SLC3A1: variants seen among roughly 807,000 people sequenced by gnomAD.
SLC3A1 encodes amino acid transporter heavy chain SLC3A1.
In SLC3A1, 78 loss-of-function variants were observed where a neutral mutation model predicts 60.3. That is an observed-to-expected ratio of 1.29 (90% CI 1.08 to 1.56). The LOEUF is 1.56. Among genes scored for constraint, SLC3A1 ranks in the 40% most tolerant of loss-of-function variants. The pLI is 0.00. For missense variants in SLC3A1, 1,172 were observed against 858.9 expected, an observed-to-expected ratio of 1.36 and a Z score of -4.56; for synonymous variants, 392 against 307.9, an observed-to-expected ratio of 1.27 and a Z score of -2.86.
intron 4 of SLC3A1, among the ~76,000 whole-genome samples, chr2:44,293,731 C>T (rs1671787622): frequency 1.3e-5 from 2 of 152,078 alleles, no homozygotes; most frequent in South Asian, 4.1e-4. Flanking sequence ...GTTGGTAGAC[C>T]TTCCAATTAA....
Position 44,321,390 on chromosome 2 carries a change from A to G in SLC3A1, c.*751A>G. 6.2e-7 allele frequency: 1 copy of G among 1,612,740 alleles called. No homozygotes were observed. The highest frequency in any genetic ancestry group is 8.5e-7 in the Non-Finnish European group (1 of 1,178,868). On this transcript the variant is annotated 3_prime_UTR_variant, in exon 10 of 10. Coordinates refer to ENST00000260649, the MANE Select transcript of SLC3A1 (RefSeq NM_000341.4). ...CAGGTATTTCTTAAGATCCTCGAAA[A>G]CACTGGTGCTGTCAAGTCCAAGTTC...
chr2:44,302,600 C>T (rs1672042100), intron 6 of SLC3A1, among the ~76,000 whole-genome samples: 1 of 152,180 alleles, frequency 6.6e-6, no homozygotes, highest in African/African-American at 2.4e-5. Context: ...TATGCTGCCT[C>T]AAATAGCTAA....
At position 44,304,171 on chromosome 2, in the gene SLC3A1, A is replaced by T. The variant is rs1280053518; in HGVS notation, c.1165A>T (p.Ser389Cys). ...RFMGTEAYAE[S>C]IDRTVMYYGL... ...CATGGGGACTGAAGCCTATGCAGAG[A>T]GTATTGACAGGACCGTGATGTACTA... Residue 389 changes from serine to cysteine, a missense_variant, in exon 7 of 10, where the codon AGT (serine) becomes TGT (cysteine). Ser to Cys is a moderately radical substitution (Grantham distance 112). Coordinates refer to ENST00000260649, the MANE Select transcript of SLC3A1 (RefSeq NM_000341.4). 1 of 1,614,100 alleles carries T rather than the reference A, an allele frequency of 6.2e-7. No individual in the cohort carries two copies. The highest frequency in any genetic ancestry group is 1.1e-5 in the South Asian group (1 of 91,076).
chr2:44,304,042 T>C, intron 6 of SLC3A1, 101 bp from the exon 7 acceptor site: 1 of 890,366 alleles, frequency 1.1e-6, no homozygotes. Context: ...ATAGTGTGCA[T>C]TCAGCCCCTA....
intron 1 of SLC3A1, among the ~76,000 whole-genome samples, chr2:44,279,621 A>C (rs1374497775): frequency 6.6e-6 from 1 of 152,250 alleles, no homozygotes; most frequent in Admixed American, 6.5e-5. Flanking sequence ...TGTAGTAGCC[A>C]CATTAAAAAA....
intron 4 of SLC3A1, among the ~76,000 whole-genome samples, chr2:44,299,031 CT>C (rs3074475): frequency 0.57 from 70,818 of 124,218 alleles, 20,878 homozygotes; most frequent in Non-Finnish European, 0.68. Flanking sequence ...ATGTAGATTC[CT>C]TTTTTTTTTT....
intron 3 of SLC3A1, chr2:44,285,529 T>C (rs1459413539): frequency 2.6e-6 from 1 of 387,536 alleles, no homozygotes; most frequent in Non-Finnish European, 5.2e-6. Context: ...GTACCAACAC[T>C]TGAAGTTGCT....
At chr2:44,286,408 A>G (rs1022489859) in intron 4 of SLC3A1, among the ~76,000 whole-genome samples, 5 of 152,288 alleles carry the variant, frequency 3.3e-5, no homozygotes, top group Middle Eastern at 3.4e-3. Flanking sequence ...TCCTTCCTTC[A>G]TCTAACTCAG....
At chr2:44,315,844 C>G (rs1174280865) in intron 9 of SLC3A1, among the ~76,000 whole-genome samples, 2 of 151,914 alleles carry the variant, frequency 1.3e-5, no homozygotes, top group Non-Finnish European at 2.9e-5. Flanking sequence ...ATTAGTAGAA[C>G]AAAGCCTGAA....
chr2:44,281,552 A>T lies in SLC3A1; in HGVS notation c.765+11A>T. ...CCACCCAACAACTGGGTAAGTATCA[A>T]CCTGTCTGACTTACAAAGGGGTAAA... On this transcript the variant is annotated intron_variant, in intron 3 of 9. Transcript: ENST00000260649. 1 of 1,613,650 alleles carries T rather than the reference A, an allele frequency of 6.2e-7. No homozygotes were observed. The highest frequency in any genetic ancestry group is 8.5e-7 in the Non-Finnish European group (1 of 1,179,562).
intron 3 of SLC3A1, among the ~76,000 whole-genome samples, chr2:44,282,338 T>G (rs1188940536): frequency 2.6e-5 from 4 of 152,078 alleles, no homozygotes; most frequent in Non-Finnish European, 5.9e-5. Flanking sequence ...TCTTGGGAAT[T>G]TTGCTAATTT....
At chr2:44,299,944 C>T (rs372188066) in intron 4 of SLC3A1, 27 bp from the exon 5 acceptor site, 1 of 1,613,060 alleles carries the variant, frequency 6.2e-7, no homozygotes, top group Non-Finnish European at 8.5e-7. Flanking sequence ...GTTAATGTAA[C>T]CAAGCATTTT....
At chr2:44,321,794 A>C (rs1309157884), downstream of SLC3A1, 21 of 1,613,722 alleles carry the variant, frequency 1.3e-5, no homozygotes, top group Non-Finnish European at 1.8e-5. Context: ...CTAGTTCGGG[A>C]ATCTGTCCAC....
chr2:44,281,374 T>G lies in SLC3A1; in HGVS notation c.611-13T>G. The G allele has an allele frequency of 6.2e-7, 1 of 1,605,686 alleles. No homozygotes were observed. Among genetic ancestry groups the G allele is most frequent in the Non-Finnish European group, 8.5e-7 (1 of 1,172,398 alleles). On this transcript the variant is annotated splice_polypyrimidine_tract_variant and intron_variant, in intron 2 of 9. Transcript: ENST00000260649. ...ATCTTTCCCTAGCATTTGAAATGTC[T>G]TTTACTCATTAGGTTTAAAATTAAT...
rs570880671 is a variant in SLC3A1 at position 44,299,837 on chromosome 2, CTG to C, written c.892-131_892-130del. On this transcript the variant is annotated intron_variant, in intron 4 of 9. Coordinates refer to ENST00000260649, the MANE Select transcript of SLC3A1 (RefSeq NM_000341.4). ...GTTATGCTAAATAGATAAAAATAGA[CTG>C]TGAATACTGTGCTTGTTCTGTATGT... The C allele has an allele frequency of 5.2e-4, 482 of 918,598 alleles. 1 individual carries two copies. The highest frequency in any genetic ancestry group is 1.3e-3 in the Middle Eastern group (5 of 3,928). The allele number at this position is 918,598 out of a possible 1,614,324, so 56.9% of individuals were successfully genotyped here.
chr2:44,298,345 C>T (rs78956810), intron 4 of SLC3A1, among the ~76,000 whole-genome samples: 6,049 of 152,152 alleles, frequency 0.04, 160 homozygotes, highest in Middle Eastern at 0.061. Flanking sequence ...ACTTATGCTC[C>T]TCTGGCCACA....
Position 44,320,269 on chromosome 2 carries a change from T to A in SLC3A1, c.1688T>A (p.Leu563Gln). The change falls in exon 10 of 10, where the codon CTA (leucine) becomes CAA (glutamine). Residue 563 changes from leucine to glutamine, a missense_variant. Transcript: ENST00000260649. ...TTAAGTCTACTTCATGCCAATGAGC[T>A]ACTCCTCAACAGGGGCTGGTTTTGC... ...QDLSLLHANELLLNRGWFCHL... is the reference protein window; with the variant it reads ...QDLSLLHANEQLLNRGWFCHL... 2 of 1,614,100 alleles carry A rather than the reference T, an allele frequency of 1.2e-6. No individual in the cohort carries two copies. The highest frequency in any genetic ancestry group is 3.3e-5 in the Admixed American group (2 of 60,000).
At chr2:44,278,096 G>A (rs561253740) in intron 1 of SLC3A1, among the ~76,000 whole-genome samples, 7 of 152,054 alleles carry the variant, frequency 4.6e-5, no homozygotes, top group South Asian at 2.1e-4. Context: ...TGTTGATACC[G>A]TGTGAGATCT....
chr2:44,280,867 G>T lies in SLC3A1; in HGVS notation c.582G>T (p.Glu194Asp). The change falls in exon 2 of 10, where the codon GAG becomes GAT. Residue 194 changes from glutamate to aspartate, a missense_variant. Transcript: ENST00000260649. ...DPIFGTMEDF[E>D]NLVAAIHDKG... ...TTTTTGGAACGATGGAAGATTTTGA[G>T]AATCTGGTTGCAGCCATACATGATA... 1 of 1,614,130 alleles carries T rather than the reference G, an allele frequency of 6.2e-7. No homozygotes were observed. The highest frequency in any genetic ancestry group is 1.3e-5 in the African/African-American group (1 of 75,048).
Sources: allele counts gnomAD v4.1 joint callset (sites outside exome capture counted in the v4.1 genomes callset), GRCh38; gene constraint gnomAD v4.1.1; transcripts MANE v1.5; gene names NCBI Gene and HGNC (gene_info 2026-07-23, HGNC 2026-07-21).